ABAT: variants seen among roughly 807,000 people sequenced by gnomAD.
ABAT encodes the protein 4-aminobutyrate aminotransferase, mitochondrial.
ABAT carries 45 observed loss-of-function variants against 64.6 expected under a neutral mutation model. The ratio of observed to expected loss-of-function variants is 0.70; its 90% CI spans 0.55 to 0.89. The LOEUF (loss-of-function observed/expected upper bound fraction) is 0.89, where lower values mean the gene tolerates loss of function less well. ABAT is among the 40% of genes least tolerant of loss of function. The pLI is 0.00. For missense variants in ABAT, 633 were observed against 658.4 expected, an observed-to-expected ratio of 0.96 and a Z score of 0.42; for synonymous variants, 297 against 250.5, an observed-to-expected ratio of 1.19 and a Z score of -1.75.
At chr16:8,707,631 A>T (rs2057977625) in intron 1 of ABAT, among the ~76,000 whole-genome samples, 1 of 152,226 alleles carries the variant, frequency 6.6e-6, no homozygotes, top group Non-Finnish European at 1.5e-5. Flanking sequence ...GTCAGTTTGC[A>T]AGAGGCAAGA....
At chr16:8,761,292 C>T (rs1326274101) in intron 6 of ABAT, among the ~76,000 whole-genome samples, 1 of 151,698 alleles carries the variant, frequency 6.6e-6, no homozygotes, top group Non-Finnish European at 1.5e-5. Flanking sequence ...CTCTCCCCAT[C>T]GATCCCTCCC....
chr16:8,738,989 G>A (rs1357748598), intron 2 of ABAT, among the ~76,000 whole-genome samples: 2 of 152,190 alleles, frequency 1.3e-5, no homozygotes, highest in South Asian at 2.1e-4. Flanking sequence ...GCATATTAAT[G>A]TTTACCCATA....
In ABAT at chr16:8,720,467, G is replaced by A. The variant is rs761972330; in HGVS notation, c.-41-15232G>A. 1.1e-4 allele frequency among the ~76,000 whole-genome samples: 16 copies of A among 152,342 alleles called. No individual in the cohort carries two copies. The Middle Eastern group carries it at 0.014, about 130-fold the overall frequency. On this transcript the variant is annotated intron_variant, in intron 1 of 15. Transcript: ENST00000268251. ...CTGATAATTTTATGATGCCCAAGAG[G>A]CAGGTGATAGGAAGTCATGCCTGCA...
intron 1 of ABAT, chr16:8,722,854 G>A: frequency 7.8e-7 from 1 of 1,289,096 alleles, no homozygotes. Context: ...TAGGAGCAAG[G>A]CTTGGGGAAA....
chr16:8,726,610 G>A (rs1300399834), intron 1 of ABAT, among the ~76,000 whole-genome samples: 1 of 152,192 alleles, frequency 6.6e-6, no homozygotes, highest in Non-Finnish European at 1.5e-5. Context: ...CACTCAGGTT[G>A]CTTCCAAATC....
Position 8,761,228 on chromosome 16 carries a change from C to T in ABAT, c.367-2841C>T, listed in dbSNP as rs558879088. On this transcript the variant is annotated intron_variant, in intron 6 of 15. Coordinates refer to ENST00000268251, the MANE Select transcript of ABAT (RefSeq NM_020686.6). Reference sequence around the variant, plus strand: ...TTCACCTCTCTCTGCCCTCTCACCTCGTCAGGGACTGGTCCTAACCCTCAC... The same window carrying T: ...TTCACCTCTCTCTGCCCTCTCACCTTGTCAGGGACTGGTCCTAACCCTCAC... Among the ~76,000 whole-genome samples the T allele has an allele frequency of 1.2e-4, 17 of 146,148 alleles. No homozygotes were observed. The South Asian group carries it at 3.3e-3, about 28-fold the overall frequency.
intron 1 of ABAT, among the ~76,000 whole-genome samples, chr16:8,704,318 C>T (rs1292019176): frequency 1.3e-5 from 2 of 152,188 alleles, no homozygotes; most frequent in African/African-American, 4.8e-5. Flanking sequence ...GTTAATGCCA[C>T]GTCAAGTTAC....
At chr16:8,741,919 G>T (rs1471561472) in intron 2 of ABAT, among the ~76,000 whole-genome samples, 1 of 152,148 alleles carries the variant, frequency 6.6e-6, no homozygotes, top group Non-Finnish European at 1.5e-5. Context: ...ATTTAATTGT[G>T]GATTACTTAA....
chr16:8,754,713 TCTTTC>T (rs2059601646), intron 5 of ABAT, among the ~76,000 whole-genome samples: 2 of 111,922 alleles, frequency 1.8e-5, no homozygotes, highest in African/African-American at 6.4e-5. Flanking sequence ...TTTCTTTCTT[TCTTTC>T]TTTCTTTTTT....
chr16:8,709,315 A>C (rs941292540), intron 1 of ABAT, among the ~76,000 whole-genome samples: 7 of 151,802 alleles, frequency 4.6e-5, no homozygotes, highest in African/African-American at 1.7e-4. Flanking sequence ...TGATGTGACC[A>C]CTAGAAATTT....
intron 6 of ABAT, among the ~76,000 whole-genome samples, chr16:8,761,603 C>A (rs2059799421): frequency 6.6e-6 from 1 of 152,212 alleles, no homozygotes; most frequent in African/African-American, 2.4e-5. Flanking sequence ...GGGTTTGAGG[C>A]CTGATGAAAA....
chr16:8,692,875 A>T lies in ABAT; in HGVS notation c.-42+18164A>T, dbSNP rs147960354. Among the ~76,000 whole-genome samples the T allele has an allele frequency of 7.1e-3, 1,075 of 152,136 alleles. 10 individuals carry two copies. Among genetic ancestry groups the T allele is most frequent in the African/African-American group, 0.024 (1,001 of 41,504 alleles). On this transcript the variant is annotated intron_variant, in intron 1 of 15. Transcript: ENST00000268251. The stretch of plus-strand genomic sequence containing the variant: ...CAAAGGTACCTTTTTCTTTTTTGAG[A>T]TGGAGCCTCACTCTGTTGCCCAGGC...
At chr16:8,773,333 A>G (rs1056644228) in intron 12 of ABAT, among the ~76,000 whole-genome samples, 20 of 152,006 alleles carry the variant, frequency 1.3e-4, no homozygotes, top group African/African-American at 4.3e-4. Flanking sequence ...TGTATTTCTA[A>G]CAGAGACGAG....
At position 8,768,963 on chromosome 16, in the gene ABAT, G is replaced by A; in HGVS notation, c.806G>A (p.Cys269Tyr). The change falls in exon 11 of 16, where the codon TGT (cysteine) becomes TAT (tyrosine). Residue 269 changes from cysteine to tyrosine, a missense_variant. Coordinates refer to ENST00000268251, the MANE Select transcript of ABAT (RefSeq NM_020686.6). ...GAGAACCAACAGGAGGAGGCCCGCT[G>A]TCTGGAAGAGGTAATGCTCATACCC... The part of the protein sequence containing the change: ...VKENQQEEAR[C>Y]LEEVEDLIVK... 6.2e-7 allele frequency: 1 copy of A among 1,614,194 alleles called. No individual in the cohort carries two copies. The highest frequency in any genetic ancestry group is 8.5e-7 in the Non-Finnish European group (1 of 1,180,028).
intron 2 of ABAT, among the ~76,000 whole-genome samples, chr16:8,739,871 C>T (rs2059113854): frequency 6.6e-6 from 1 of 151,228 alleles, no homozygotes; most frequent in Non-Finnish European, 1.5e-5. Flanking sequence ...TTTAGAAAAC[C>T]ATATGGTGAG....
rs2060158471 is a variant in ABAT, at chr16:8,772,984, G to A, written c.954+67G>A. On this transcript the variant is annotated intron_variant, in intron 12 of 15. Transcript: ENST00000268251. ...TCTGGGTTGAGTTCCCCGAGTAACGGGCCAGCAGCACCTCTGCCTTGGAGC... is the reference window on the plus strand; with the variant it reads ...TCTGGGTTGAGTTCCCCGAGTAACGAGCCAGCAGCACCTCTGCCTTGGAGC... 6.9e-6 allele frequency: 11 copies of A among 1,603,916 alleles called. No homozygotes were observed. The Admixed American group carries it at 1.7e-4, about 24-fold the overall frequency.
chr16:8,691,629 G>A (rs2057584177), intron 1 of ABAT, among the ~76,000 whole-genome samples: 1 of 152,148 alleles, frequency 6.6e-6, no homozygotes, highest in South Asian at 2.1e-4. Flanking sequence ...TTAATAGAGA[G>A]GGGGTTTCGC....
chr16:8,738,878 C>G (rs752433977), intron 2 of ABAT, among the ~76,000 whole-genome samples: 5 of 152,162 alleles, frequency 3.3e-5, no homozygotes, highest in Non-Finnish European at 7.3e-5. Context: ...CTCCTGACCT[C>G]AAGTGATCCA....
chr16:8,718,180 A>G (rs530298721), intron 1 of ABAT, among the ~76,000 whole-genome samples: 1 of 152,322 alleles, frequency 6.6e-6, no homozygotes, highest in South Asian at 2.1e-4. Context: ...AAGATGAAGC[A>G]GAACAAATGT....
Sources: allele counts gnomAD v4.1 joint callset (sites outside exome capture counted in the v4.1 genomes callset), GRCh38; gene constraint gnomAD v4.1.1; transcripts MANE v1.5; gene names NCBI Gene and HGNC (gene_info 2026-07-23, HGNC 2026-07-21).